PCSK2: variants seen among roughly 807,000 people sequenced by gnomAD.
The protein encoded by PCSK2 is neuroendocrine convertase 2.
In PCSK2, 14 loss-of-function variants were observed where a neutral mutation model predicts 69.7. The ratio of observed to expected loss-of-function variants is 0.20; its 90% CI spans 0.13 to 0.31. The LOEUF (loss-of-function observed/expected upper bound fraction) is 0.31, where lower values mean the gene tolerates loss of function less well. Among genes scored for constraint, PCSK2 ranks in the 10% least tolerant of loss-of-function variants. The probability of loss-of-function intolerance (pLI) is 1.00; values close to 1 mark genes in which losing one functional copy is unlikely to be tolerated. For synonymous variants in PCSK2, 307 were observed against 320.7 expected (o/e 0.96, Z 0.46); for missense variants, 544 against 842.5 (o/e 0.65, Z 4.39).
chr20:17,348,645 AG>A (rs2029884776), intron 2 of PCSK2, among the ~76,000 whole-genome samples: 1 of 152,174 alleles, frequency 6.6e-6, no homozygotes, highest in Non-Finnish European at 1.5e-5. Flanking sequence ...TCTCAGATGA[AG>A]GTGTCATCAG....
intron 2 of PCSK2, among the ~76,000 whole-genome samples, chr20:17,333,910 C>T (rs1600499358): frequency 2.3e-4 from 20 of 86,400 alleles, no homozygotes; most frequent in South Asian, 1.5e-3. Flanking sequence ...TAAGTCACTG[C>T]ATATATATAT....
At chr20:17,391,638 C>T (rs1011073379) in intron 5 of PCSK2, among the ~76,000 whole-genome samples, 1 of 152,136 alleles carries the variant, frequency 6.6e-6, no homozygotes, top group Admixed American at 6.5e-5. Context: ...GGAAGTAGCT[C>T]TTATTCTCCC....
At chr20:17,248,161 A>G (rs1305495659) in intron 1 of PCSK2, among the ~76,000 whole-genome samples, 1 of 143,166 alleles carries the variant, frequency 7.0e-6, no homozygotes, top group Admixed American at 7.4e-5. Context: ...GAACAAAGTG[A>G]TGATATAAAA....
chr20:17,483,029 T>TA lies in PCSK2; in HGVS notation c.*959_*960insA, dbSNP rs1491359406. 5.1e-5 allele frequency: 1 copy of TA among 19,516 alleles called. No individual in the cohort carries two copies. Among genetic ancestry groups the TA allele is most frequent in the African/African-American group, 1.8e-4 (1 of 5,574 alleles). 1.2% of individuals were successfully genotyped at this position (19,516 alleles called of 1,614,324 possible). A position where few individuals can be genotyped will look rare whatever the true frequency, so the allele number is the denominator to read the frequency against. ...ATCTGAGTGAGAGGCGACAGGAGTA[T>TA]TTTTTTTTTTTTACAGCTTTACACA... On this transcript the variant is annotated 3_prime_UTR_variant, in exon 12 of 12. Transcript: ENST00000262545.
intron 2 of PCSK2, among the ~76,000 whole-genome samples, chr20:17,342,439 C>A (rs370004064): frequency 1.4e-4 from 21 of 152,246 alleles, no homozygotes; most frequent in South Asian, 6.2e-4. Context: ...CTACCTCAGC[C>A]TCCCTGGTAG....
At chr20:17,289,133 A>G (rs1988613795) in intron 2 of PCSK2, among the ~76,000 whole-genome samples, 1 of 152,202 alleles carries the variant, frequency 6.6e-6, no homozygotes. Context: ...ATATCTTATC[A>G]TTTTGGATAT....
intron 2 of PCSK2, among the ~76,000 whole-genome samples, chr20:17,292,874 G>C (rs1379947215): frequency 2.0e-5 from 3 of 152,016 alleles, no homozygotes; most frequent in Non-Finnish European, 4.4e-5. Flanking sequence ...GCCCAGGCTG[G>C]AGTGCAGTGG....
intron 5 of PCSK2, among the ~76,000 whole-genome samples, chr20:17,407,500 T>C (rs2031779033): frequency 6.6e-6 from 1 of 152,330 alleles, no homozygotes; most frequent in Middle Eastern, 3.4e-3. Flanking sequence ...AAGAATGCTG[T>C]TATCTCTGAA....
intron 2 of PCSK2, among the ~76,000 whole-genome samples, chr20:17,277,046 C>G (rs1988109445): frequency 6.6e-6 from 1 of 151,988 alleles, no homozygotes; most frequent in African/African-American, 2.4e-5. Context: ...GAACTACAAA[C>G]CACTGCTCAA....
intron 5 of PCSK2, among the ~76,000 whole-genome samples, chr20:17,400,459 G>C (rs2031608196): frequency 6.6e-6 from 1 of 151,900 alleles, no homozygotes; most frequent in Non-Finnish European, 1.5e-5. Context: ...ATGACAATAA[G>C]GGTATTACCC....
At chr20:17,418,248 G>C (rs1029459902) in intron 6 of PCSK2, among the ~76,000 whole-genome samples, 3 of 152,236 alleles carry the variant, frequency 2.0e-5, no homozygotes, top group African/African-American at 7.2e-5. Context: ...GAGGCACAGA[G>C]AGGTTAAGTT....
chr20:17,230,709 G>T (rs1355234957), intron 1 of PCSK2, among the ~76,000 whole-genome samples: 5 of 152,076 alleles, frequency 3.3e-5, no homozygotes, highest in South Asian at 2.1e-4. Flanking sequence ...GAGGAGAAAT[G>T]ACATACTATA....
intron 1 of PCSK2, among the ~76,000 whole-genome samples, chr20:17,233,057 C>T (rs115063282): frequency 5.0e-4 from 76 of 152,230 alleles, no homozygotes; most frequent in Admixed American, 2.6e-3. Context: ...GATGTATAAT[C>T]GATTCCTTTC....
chr20:17,369,650 G>A (rs1329134579), intron 5 of PCSK2, among the ~76,000 whole-genome samples: 1 of 152,204 alleles, frequency 6.6e-6, no homozygotes, highest in Non-Finnish European at 1.5e-5. Context: ...AAAGGCAGTG[G>A]CTTTGAGAGA....
chr20:17,240,146 C>A (rs1193733407), intron 1 of PCSK2, among the ~76,000 whole-genome samples: 1 of 152,024 alleles, frequency 6.6e-6, no homozygotes, highest in Non-Finnish European at 1.5e-5. Context: ...GCCACTGCAC[C>A]TGGCCCATGA....
chr20:17,343,604 T>TG (rs1390707805), intron 2 of PCSK2, among the ~76,000 whole-genome samples: 1 of 152,188 alleles, frequency 6.6e-6, no homozygotes, highest in Non-Finnish European at 1.5e-5. Flanking sequence ...CATGGCAAGG[T>TG]GGGGTTAAGG....
At chr20:17,243,840 A>C (rs1986674475) in intron 1 of PCSK2, among the ~76,000 whole-genome samples, 1 of 151,744 alleles carries the variant, frequency 6.6e-6, no homozygotes, top group Non-Finnish European at 1.5e-5. Flanking sequence ...TGTACTCTTC[A>C]AAAGTATTAA....
Position 17,481,713 on chromosome 20 carries a change from C to A in PCSK2, c.1560C>A (p.Asp520Glu). The change falls in exon 12 of 12, where the codon GAC (aspartate) becomes GAA (glutamate). Residue 520 changes from aspartate (D) to glutamate (E), a missense_variant. By Grantham distance (45) the Asp-to-Glu change is conservative. Around this residue, in one of 3 missense-constraint regions of PCSK2, gnomAD observed 200 missense variants for 287.8 expected, o/e 0.69. Transcript: ENST00000262545. ...CGGTCAACGCAACCAGAAGAGGAGA[C>A]CTGAACATCAACATGACTTCCCCTA... is the stretch of plus-strand genomic sequence containing the variant. ...VITVNATRRG[D>E]LNINMTSPMG... 1 of 1,614,166 alleles carries A rather than the reference C, an allele frequency of 6.2e-7. No homozygotes were observed. The highest frequency in any genetic ancestry group is 8.5e-7 in the Non-Finnish European group (1 of 1,180,032).
chr20:17,263,870 T>C (rs1371547127), intron 2 of PCSK2, among the ~76,000 whole-genome samples: 1 of 152,208 alleles, frequency 6.6e-6, no homozygotes, highest in Non-Finnish European at 1.5e-5. Context: ...AGGTAATAAA[T>C]CAATTCAACA....
Sources: allele counts gnomAD v4.1 joint callset (sites outside exome capture counted in the v4.1 genomes callset), GRCh38; gene constraint gnomAD v4.1.1; regional missense constraint gnomAD v4.1.1; transcripts MANE v1.5; gene names NCBI Gene and HGNC (gene_info 2026-07-23, HGNC 2026-07-21).